The following CNKSR2 variants were observed in gnomAD, a reference collection of about 807,000 sequenced individuals.
CNKSR2 encodes the protein CNK homolog protein 2.
A neutral mutation model predicts 84.4 loss-of-function variants in CNKSR2; 14 were observed. The ratio of observed to expected loss-of-function variants is 0.17; its 90% CI spans 0.11 to 0.26. CNKSR2 has a LOEUF of 0.26. Ranked by LOEUF, CNKSR2 falls within the 10% of genes least tolerant of loss-of-function variation. CNKSR2 has a pLI of 1.00. For missense variants in CNKSR2, 485 were observed against 771.2 expected, an observed-to-expected ratio of 0.63 and a Z score of 4.40; for synonymous variants, 275 against 277.9, an observed-to-expected ratio of 0.99 and a Z score of 0.10.
intron 11 of CNKSR2, among the ~76,000 whole-genome samples, chrX:21,550,635 C>G (rs757355796): frequency 1.8e-5 from 2 of 112,302 alleles, no homozygotes; most frequent in Admixed American, 9.4e-5. Flanking sequence ...TATTGCAGCA[C>G]TATGCCCAAT....
chrX:21,640,016 T>A (rs1375743867), intron 20 of CNKSR2, among the ~76,000 whole-genome samples: 1 of 111,634 alleles, frequency 9.0e-6, no homozygotes, highest in Non-Finnish European at 1.9e-5. Flanking sequence ...TGGTAGCTAG[T>A]TGTAGCCATT....
chrX:21,638,256 C>T (rs1287838121), intron 20 of CNKSR2, among the ~76,000 whole-genome samples: 1 of 112,014 alleles, frequency 8.9e-6, no homozygotes, highest in African/African-American at 3.2e-5. Flanking sequence ...GAAGTATCAT[C>T]AGCTATTTTT....
intron 4 of CNKSR2, 131 bp from the exon 5 acceptor site, chrX:21,470,635 G>T: frequency 3.0e-6 from 1 of 334,554 alleles, no homozygotes. Flanking sequence ...TAGCATCCTA[G>T]ATTTTTCCTG....
chrX:21,542,727 T>C (rs2091987037), intron 11 of CNKSR2, among the ~76,000 whole-genome samples: 1 of 111,790 alleles, frequency 8.9e-6, no homozygotes, highest in Non-Finnish European at 1.9e-5. Flanking sequence ...CTGAGTCCCT[T>C]TGTGGCCATG....
intron 11 of CNKSR2, among the ~76,000 whole-genome samples, chrX:21,536,820 C>T (rs1484462099): frequency 7.1e-5 from 7 of 98,710 alleles, no homozygotes; most frequent in South Asian, 4.2e-4. Flanking sequence ...TTTTGTTGGT[C>T]TTCTGTAGGT....
intron 4 of CNKSR2, among the ~76,000 whole-genome samples, chrX:21,452,506 C>G (rs969639403): frequency 9.0e-6 from 1 of 111,635 alleles, no homozygotes; most frequent in African/African-American, 3.3e-5. Context: ...AACAATTAGC[C>G]TTTCTTTTGC....
chrX:21,463,362 C>T (rs2091086576), intron 4 of CNKSR2, among the ~76,000 whole-genome samples: 1 of 110,694 alleles, frequency 9.0e-6, no homozygotes, highest in Non-Finnish European at 1.9e-5. Flanking sequence ...TTGAGTGCTC[C>T]CTCCCCTGCC....
chrX:21,437,892 T>TAA (rs2090730415), intron 3 of CNKSR2, among the ~76,000 whole-genome samples: 2 of 111,573 alleles, frequency 1.8e-5, no homozygotes, highest in Non-Finnish European at 3.8e-5. Flanking sequence ...AACAGTTGGT[T>TAA]TCTGCTTACA....
At chrX:21,641,382 A>T (rs1312518962) in intron 20 of CNKSR2, 13 of 700,740 alleles carry the variant, frequency 1.9e-5, no homozygotes, top group Non-Finnish European at 2.7e-5. Flanking sequence ...AAGACATTGT[A>T]TTAAAACCAT....
intron 1 of CNKSR2, among the ~76,000 whole-genome samples, chrX:21,414,833 G>A (rs752564258): frequency 1.8e-5 from 2 of 111,428 alleles, no homozygotes; most frequent in Non-Finnish European, 3.8e-5. Context: ...TATGTCCTTG[G>A]CACTTTTGTC....
intron 4 of CNKSR2, among the ~76,000 whole-genome samples, chrX:21,452,503 A>G (rs1023495966): frequency 8.9e-6 from 1 of 111,834 alleles, no homozygotes; most frequent in Non-Finnish European, 1.9e-5. Flanking sequence ...AAAAACAATT[A>G]GCCTTTCTTT....
rs146627536 is a variant in CNKSR2 at position 21,540,073 on chromosome X, A to T, written c.1303+8006A>T. On this transcript the variant is annotated intron_variant, in intron 11 of 21. Coordinates refer to ENST00000379510, the MANE Select transcript of CNKSR2 (RefSeq NM_014927.5). ...CTGGGACACAAAAATGAATAAAACCATAAATCCTAATTACCCAAAGGGAAG... is the reference window on the plus strand; with the variant it reads ...CTGGGACACAAAAATGAATAAAACCTTAAATCCTAATTACCCAAAGGGAAG... Among the ~76,000 whole-genome samples, 1,039 of 112,161 alleles carry T rather than the reference A, an allele frequency of 9.3e-3. 2 individuals carry two copies. Among genetic ancestry groups the T allele is most frequent in the Non-Finnish European group, 0.015 (824 of 53,223 alleles).
chrX:21,607,782 C>T (rs760258631), intron 19 of CNKSR2, among the ~76,000 whole-genome samples: 5 of 110,122 alleles, frequency 4.5e-5, no homozygotes, highest in African/African-American at 6.6e-5. Flanking sequence ...CCAGCCTGGG[C>T]GACAGAGTGA....
At chrX:21,485,028 A>T (rs961720132) in intron 5 of CNKSR2, among the ~76,000 whole-genome samples, 1 of 111,049 alleles carries the variant, frequency 9.0e-6, no homozygotes, top group Non-Finnish European at 1.9e-5. Context: ...CTAAAAATAC[A>T]AAAAATTAGC....
intron 8 of CNKSR2, among the ~76,000 whole-genome samples, chrX:21,502,121 A>G (rs1208331119): frequency 9.6e-6 from 1 of 104,181 alleles, no homozygotes; most frequent in Non-Finnish European, 2.0e-5. Flanking sequence ...AGAGGACAAC[A>G]GTTTTCATTT....
At chrX:21,529,465 T>A (rs771231715) in intron 10 of CNKSR2, among the ~76,000 whole-genome samples, 1 of 111,259 alleles carries the variant, frequency 9.0e-6, no homozygotes, top group Non-Finnish European at 1.9e-5. Flanking sequence ...TACTAATTTC[T>A]CCTATTAACT....
intron 11 of CNKSR2, among the ~76,000 whole-genome samples, chrX:21,534,295 G>A (rs113241444): frequency 0.021 from 2,265 of 108,706 alleles, 58 homozygotes; most frequent in African/African-American, 0.07. Flanking sequence ...GTAATATTCT[G>A]ATATATATAT....
intron 19 of CNKSR2, among the ~76,000 whole-genome samples, chrX:21,608,469 C>G (rs1338203512): frequency 9.0e-6 from 1 of 111,683 alleles, no homozygotes; most frequent in Non-Finnish European, 1.9e-5. Context: ...ATGTGCCCTG[C>G]AGTATCTATG....
rs776845778 is a variant in CNKSR2 at position 21,636,799 on chromosome X, G to GTA, written c.2693-12019_2693-12018dup. Among the ~76,000 whole-genome samples, 112 of 108,483 alleles carry GTA rather than the reference G, an allele frequency of 1.0e-3. No homozygotes were observed. In the East Asian group the frequency reaches 0.014, roughly 14 times the overall value. The allele number at this position is 108,483 out of a possible 115,157, so 94.2% of individuals were successfully genotyped here. A position where few individuals can be genotyped will look rare whatever the true frequency, so the allele number is the denominator to read the frequency against. On this transcript the variant is annotated intron_variant, in intron 20 of 21. Transcript: ENST00000379510. ...ATATTTATTCCTAACCTTTGATATA[G>GTA]TATATATATATATACACCCATAGGC...
Sources: gnomAD v4.1 joint callset for allele counts (sites outside exome capture counted in the v4.1 genomes callset) on GRCh38, gnomAD v4.1.1 for gene constraint, MANE v1.5 for transcripts, NCBI Gene and HGNC (gene_info 2026-07-23, HGNC 2026-07-21) for gene names.